Variants in IL15 observed in about 807,000 individuals in gnomAD.
The protein encoded by IL15 is interleukin-15.
IL15 carries 11 observed loss-of-function variants against 19.6 expected under a neutral mutation model. That is an observed-to-expected ratio of 0.56 (90% CI 0.35 to 0.93). The LOEUF is 0.93. Ranked by LOEUF, IL15 falls within the 40% of genes least tolerant of loss-of-function variation. The pLI is 0.01. For synonymous variants in IL15, 58 were observed against 59.6 expected (o/e 0.97, Z 0.12); for missense variants, 197 against 186.5 (o/e 1.06, Z -0.33).
intron 1 of IL15, among the ~76,000 whole-genome samples, chr4:141,650,430 C>T (rs1727367825): frequency 6.6e-6 from 1 of 151,988 alleles, no homozygotes; most frequent in Non-Finnish European, 1.5e-5. Context: ...ATACTGTTAT[C>T]ATGGATTTTA....
chr4:141,692,777 GTC>G (rs1281570694), intron 2 of IL15, among the ~76,000 whole-genome samples: 3 of 151,858 alleles, frequency 2.0e-5, no homozygotes, highest in African/African-American at 7.3e-5. Context: ...TATACAACAA[GTC>G]TCTAGGAAGT....
rs779465546 is a variant in IL15 at position 141,732,745 on chromosome 4, C to T, written c.386C>T (p.Thr129Ile). 3 of 1,609,674 alleles carry T rather than the reference C, an allele frequency of 1.9e-6. No individual in the cohort carries two copies. The highest frequency in any genetic ancestry group is 2.5e-6 in the Non-Finnish European group (3 of 1,178,814). Reference protein sequence around the residue: ...NNSLSSNGNVTESGCKECEEL... With the variant: ...NNSLSSNGNVIESGCKECEEL... The stretch of plus-strand genomic sequence containing the variant: ...TCTCTCTATATTTTGCAGAATGTAA[C>T]AGAATCTGGATGCAAAGAATGTGAG... Residue 129 changes from threonine to isoleucine, a missense_variant, in exon 8 of 8, where the codon ACA (threonine) becomes ATA (isoleucine). Thr to Ile is a moderately conservative substitution (Grantham distance 89). Coordinates refer to ENST00000320650, the MANE Select transcript of IL15 (RefSeq NM_000585.5).
At chr4:141,682,644 G>A (rs911626054) in intron 2 of IL15, among the ~76,000 whole-genome samples, 2 of 152,078 alleles carry the variant, frequency 1.3e-5, no homozygotes, top group African/African-American at 4.8e-5. Context: ...ACAATGGAAA[G>A]CCAACACTGA....
intron 2 of IL15, among the ~76,000 whole-genome samples, chr4:141,700,362 C>T (rs1462284624): frequency 6.6e-6 from 1 of 152,106 alleles, no homozygotes; most frequent in Non-Finnish European, 1.5e-5. Flanking sequence ...AATACTTTCC[C>T]TCTCCTTCAT....
At chr4:141,698,583 G>T (rs1224163160) in intron 2 of IL15, among the ~76,000 whole-genome samples, 1 of 151,838 alleles carries the variant, frequency 6.6e-6, no homozygotes, top group Non-Finnish European at 1.5e-5. Context: ...ATATTTTCAG[G>T]AATTTATCAA....
chr4:141,717,247 A>G (rs957614733), intron 2 of IL15: 2 of 152,198 alleles, frequency 1.3e-5, no homozygotes, highest in Non-Finnish European at 1.5e-5. Flanking sequence ...GCAGAATGCT[A>G]TGGTTTGAAT....
intron 5 of IL15, among the ~76,000 whole-genome samples, chr4:141,726,180 A>G (rs1730258795): frequency 6.6e-6 from 1 of 152,144 alleles, no homozygotes; most frequent in Admixed American, 6.6e-5. Context: ...CATTCAAACC[A>G]CAGCAATAAT....
At chr4:141,655,041 A>G (rs1035551274) in intron 1 of IL15, among the ~76,000 whole-genome samples, 7 of 152,318 alleles carry the variant, frequency 4.6e-5, no homozygotes, top group Non-Finnish European at 1.0e-4. Context: ...ACAAACAGCT[A>G]TAGCAATTTC....
intron 2 of IL15, among the ~76,000 whole-genome samples, chr4:141,681,622 A>C (rs1028610211): frequency 6.6e-6 from 1 of 152,216 alleles, no homozygotes; most frequent in African/African-American, 2.4e-5. Flanking sequence ...GGGAATTTAA[A>C]GTGAAATAAC....
intron 1 of IL15, among the ~76,000 whole-genome samples, chr4:141,638,344 A>G (rs1726930512): frequency 6.6e-6 from 1 of 152,220 alleles, no homozygotes; most frequent in South Asian, 2.1e-4. Context: ...TAAAATTCTC[A>G]CAGAATTTTA....
intron 2 of IL15, among the ~76,000 whole-genome samples, chr4:141,666,214 C>T (rs914922836): frequency 1.3e-5 from 2 of 152,094 alleles, no homozygotes; most frequent in Non-Finnish European, 2.9e-5. Context: ...CATTCTCCTG[C>T]CTCAGCCTCC....
At chr4:141,651,162 C>CAT (rs35758746) in intron 1 of IL15, among the ~76,000 whole-genome samples, 31 of 149,182 alleles carry the variant, frequency 2.1e-4, no homozygotes, top group East Asian at 1.8e-3. Context: ...ATATACACAC[C>CAT]ATATATATAT....
At chr4:141,672,357 A>C (rs1338762485) in intron 2 of IL15, among the ~76,000 whole-genome samples, 1 of 152,208 alleles carries the variant, frequency 6.6e-6, no homozygotes, top group Non-Finnish European at 1.5e-5. Flanking sequence ...TTTTCCTCTT[A>C]TCTAAGTATA....
At chr4:141,683,381 C>A (rs927218409) in intron 2 of IL15, among the ~76,000 whole-genome samples, 1 of 151,676 alleles carries the variant, frequency 6.6e-6, no homozygotes, top group African/African-American at 2.4e-5. Context: ...GACCCGCCTG[C>A]GCAACACGGT....
At chr4:141,677,309 A>G (rs1728379625) in intron 2 of IL15, among the ~76,000 whole-genome samples, 2 of 152,170 alleles carry the variant, frequency 1.3e-5, no homozygotes, top group African/African-American at 4.8e-5. Flanking sequence ...ATCCACTTCC[A>G]CTTAATGAAT....
intron 2 of IL15, among the ~76,000 whole-genome samples, chr4:141,680,409 G>T (rs1728495657): frequency 6.6e-6 from 1 of 152,058 alleles, no homozygotes; most frequent in South Asian, 2.1e-4. Flanking sequence ...TCATTTTTTT[G>T]TTTGAATATC....
chr4:141,668,649 C>G (rs1187194305), intron 2 of IL15, among the ~76,000 whole-genome samples: 2 of 152,154 alleles, frequency 1.3e-5, no homozygotes, highest in Non-Finnish European at 2.9e-5. Flanking sequence ...ATAGGTCTTC[C>G]TCTTCCTTTT....
At chr4:141,719,590 C>G in intron 3 of IL15, 114 bp downstream of exon 3, 1 of 775,020 alleles carries the variant, frequency 1.3e-6, no homozygotes, top group Non-Finnish European at 2.0e-6. Context: ...TGAGATATCA[C>G]AGATGTCTGT....
At position 141,732,806 on chromosome 4, in the gene IL15, G is replaced by C. The variant is rs1164393280; in HGVS notation, c.447G>C (p.Gln149His). ...LEEKNIKEFL[Q>H]SFVHIVQMFI... Reference sequence around the variant, plus strand: ...AAAAAAATATTAAAGAATTTTTGCAGAGTTTTGTACATATTGTCCAAATGT... The same window carrying C: ...AAAAAAATATTAAAGAATTTTTGCACAGTTTTGTACATATTGTCCAAATGT... Residue 149 changes from glutamine to histidine, a missense_variant, in exon 8 of 8, where the codon CAG (glutamine) becomes CAC (histidine). Gln to His is a conservative substitution (Grantham distance 24). Transcript: ENST00000320650. 2 of 1,612,606 alleles carry C rather than the reference G, an allele frequency of 1.2e-6. No individual in the cohort carries two copies. The highest frequency in any genetic ancestry group is 2.7e-5 in the African/African-American group (2 of 74,842).
Sources: gnomAD v4.1 joint callset for allele counts (sites outside exome capture counted in the v4.1 genomes callset) on GRCh38, gnomAD v4.1.1 for gene constraint, MANE v1.5 for transcripts, NCBI Gene and HGNC (gene_info 2026-07-23, HGNC 2026-07-21) for gene names.